Variants in TAX1BP1 observed in about 807,000 individuals in gnomAD.
TAX1BP1 encodes the protein tax1-binding protein 1.
TAX1BP1 carries 62 observed loss-of-function variants against 97.7 expected under a neutral mutation model. The observed-to-expected ratio is 0.63, with a 90% CI of 0.52 to 0.78. The LOEUF (loss-of-function observed/expected upper bound fraction) is 0.78, where lower values mean the gene tolerates loss of function less well. TAX1BP1 is among the 30% of genes least tolerant of loss of function. The pLI is 0.00. For missense variants in TAX1BP1, 867 were observed against 916.1 expected (o/e 0.95, Z 0.69); for synonymous variants, 340 against 304.2 (o/e 1.12, Z -1.23).
chr7:27,798,341 C>T (rs187597391), intron 12 of TAX1BP1, among the ~76,000 whole-genome samples: 4 of 151,734 alleles, frequency 2.6e-5, no homozygotes, highest in Admixed American at 2.6e-4. Context: ...GGTGAATTGC[C>T]TGGGTGATAT....
chr7:27,758,818 G>A (rs1343823239), intron 3 of TAX1BP1, among the ~76,000 whole-genome samples: 2 of 152,096 alleles, frequency 1.3e-5, no homozygotes, highest in African/African-American at 4.8e-5. Context: ...GGAGGAATGG[G>A]GAGTTATTGT....
chr7:27,748,434 T>A, intron 1 of TAX1BP1, 84 bp from the exon 2 acceptor site: 3 of 943,826 alleles, frequency 3.2e-6, no homozygotes, highest in Non-Finnish European at 4.3e-6. Context: ...TTCATGAAAC[T>A]TATATTAAAT....
chr7:27,828,955 C>T lies in TAX1BP1; in HGVS notation c.*126C>T, dbSNP rs1173158659. 1.5e-6 allele frequency: 1 copy of T among 687,230 alleles called. No individual in the cohort carries two copies. The highest frequency in any genetic ancestry group is 2.3e-6 in the Non-Finnish European group (1 of 431,968). The allele number at this position is 687,230 out of a possible 1,614,324, so 42.6% of individuals were successfully genotyped here. On this transcript the variant is annotated 3_prime_UTR_variant, in exon 17 of 17. Coordinates refer to ENST00000396319, the MANE Select transcript of TAX1BP1 (RefSeq NM_006024.7). ...TGCACCCTTTACTGCACTTTCTGAC[C>T]AGGAGCTACTTTGAGTTTGGTGTTA...
At chr7:27,778,309 A>G (rs112430316) in intron 5 of TAX1BP1, among the ~76,000 whole-genome samples, 1 of 151,566 alleles carries the variant, frequency 6.6e-6, no homozygotes, top group Admixed American at 6.6e-5. Context: ...TATATTTTGT[A>G]CAAGTGTCTT....
intron 8 of TAX1BP1, 138 bp from the exon 9 acceptor site, chr7:27,791,868 G>A: frequency 4.2e-6 from 3 of 710,888 alleles, no homozygotes; most frequent in Non-Finnish European, 7.0e-6. Flanking sequence ...TTTTTTGTAG[G>A]CATATACTCT....
chr7:27,779,657 TTA>T (rs1400407948), intron 5 of TAX1BP1, among the ~76,000 whole-genome samples: 3 of 152,210 alleles, frequency 2.0e-5, no homozygotes, highest in African/African-American at 7.2e-5. Flanking sequence ...AAATAATGAA[TTA>T]GAGTGAAGAC....
chr7:27,784,962 A>G (rs890138219), intron 5 of TAX1BP1, among the ~76,000 whole-genome samples: 6 of 152,168 alleles, frequency 3.9e-5, no homozygotes, highest in African/African-American at 7.2e-5. Flanking sequence ...CAAACAAAAA[A>G]CAAATTATCG....
Position 27,792,067 on chromosome 7 carries a change from G to A in TAX1BP1, c.1100G>A (p.Arg367Gln), listed in dbSNP as rs748509003. Residue 367 changes from arginine to glutamine, a missense_variant, in exon 9 of 17, where the codon CGG (arginine) becomes CAG (glutamine). By Grantham distance (43) the Arg-to-Gln change is conservative (BLOSUM62 1). This residue lies in a region of TAX1BP1 where 822 missense variants were observed against 851.4 expected (regional missense o/e 0.97). Coordinates refer to ENST00000396319, the MANE Select transcript of TAX1BP1 (RefSeq NM_006024.7). The stretch of plus-strand genomic sequence containing the variant: ...GCAGAGGAACAGGTTCAGGCAACTC[G>A]GCAAGAAGTTGTCTTTCTGGCTAAA... ...RKAEEQVQAT[R>Q]QEVVFLAKEL... 3.7e-6 allele frequency: 6 copies of A among 1,613,904 alleles called. No homozygotes were observed. Among genetic ancestry groups the A allele is most frequent in the South Asian group, 1.1e-5 (1 of 91,076 alleles).
At chr7:27,794,904 A>T (rs1056425309) in intron 11 of TAX1BP1, among the ~76,000 whole-genome samples, 1 of 152,110 alleles carries the variant, frequency 6.6e-6, no homozygotes, top group Admixed American at 6.6e-5. Context: ...CTTTGGATCA[A>T]TGGGGGTACT....
At chr7:27,824,406 A>T (rs1005315035) in intron 15 of TAX1BP1, among the ~76,000 whole-genome samples, 1 of 151,718 alleles carries the variant, frequency 6.6e-6, no homozygotes, top group African/African-American at 2.4e-5. Flanking sequence ...CTTAAAAAAA[A>T]TACCGAGTGT....
chr7:27,752,134 A>G lies in TAX1BP1; in HGVS notation c.162+3448A>G, dbSNP rs563260571. On this transcript the variant is annotated intron_variant, in intron 2 of 16. Transcript: ENST00000396319. ...AGGAATGGAGGTAAAGAGAACGTTT[A>G]GACTATCCTAATTTTCTATGTGAGA... is the stretch of plus-strand genomic sequence containing the variant. Among the ~76,000 whole-genome samples, 3 of 152,356 alleles carry G rather than the reference A, an allele frequency of 2.0e-5. No homozygotes were observed. The South Asian group carries it at 6.2e-4, about 32-fold the overall frequency.
At chr7:27,826,304 C>G (rs1051050710) in intron 15 of TAX1BP1, among the ~76,000 whole-genome samples, 4 of 152,300 alleles carry the variant, frequency 2.6e-5, no homozygotes, top group African/African-American at 9.6e-5. Flanking sequence ...CTATGGGACT[C>G]ACAGATAAAC....
intron 2 of TAX1BP1, among the ~76,000 whole-genome samples, chr7:27,750,017 C>G (rs895868007): frequency 3.3e-5 from 5 of 152,040 alleles, no homozygotes; most frequent in African/African-American, 1.2e-4. Context: ...TTTTAACTTC[C>G]TAGGCTTAAG....
intron 13 of TAX1BP1, among the ~76,000 whole-genome samples, chr7:27,811,677 T>C (rs1353727857): frequency 2.0e-5 from 3 of 152,166 alleles, no homozygotes; most frequent in Admixed American, 6.5e-5. Context: ...GGCAAATGCA[T>C]GTAGTTCTGT....
intron 12 of TAX1BP1, among the ~76,000 whole-genome samples, chr7:27,797,036 C>T (rs1237043542): frequency 6.6e-6 from 1 of 151,016 alleles, no homozygotes; most frequent in East Asian, 2.0e-4. Flanking sequence ...CTCACTCTCT[C>T]GCTCAGGCTG....
intron 5 of TAX1BP1, among the ~76,000 whole-genome samples, chr7:27,777,629 C>G (rs1410659368): frequency 6.6e-6 from 1 of 152,146 alleles, no homozygotes; most frequent in Non-Finnish European, 1.5e-5. Flanking sequence ...TTGCAGATCT[C>G]TCGAGTTCTT....
At chr7:27,791,816 G>C (rs1214414113) in intron 8 of TAX1BP1, among the ~76,000 whole-genome samples, 190 bp from the exon 9 acceptor site, 1 of 152,112 alleles carries the variant, frequency 6.6e-6, no homozygotes, top group African/African-American at 2.4e-5. Context: ...CAAGTACATA[G>C]GGTTGTTATA....
chr7:27,822,292 A>C (rs1218334018), intron 15 of TAX1BP1, among the ~76,000 whole-genome samples: 1 of 152,170 alleles, frequency 6.6e-6, no homozygotes, highest in Non-Finnish European at 1.5e-5. Context: ...CTTTTTGGCT[A>C]TGGCATACGT....
chr7:27,822,764 G>T (rs572930410), intron 15 of TAX1BP1, among the ~76,000 whole-genome samples: 13 of 152,196 alleles, frequency 8.5e-5, no homozygotes, highest in Non-Finnish European at 1.9e-4. Context: ...TTTTACGATG[G>T]TGCTCTTTGC....
Sources: gnomAD v4.1 joint callset for allele counts (sites outside exome capture counted in the v4.1 genomes callset) on GRCh38, gnomAD v4.1.1 for gene constraint, gnomAD v4.1.1 regional missense constraint, MANE v1.5 for transcripts, NCBI Gene and HGNC (gene_info 2026-07-23, HGNC 2026-07-21) for gene names.